The following VPS51 variants were observed in gnomAD, a reference collection of about 807,000 sequenced individuals.
VPS51 encodes the protein vacuolar protein sorting-associated protein 51 homolog.
A neutral mutation model predicts 65.1 loss-of-function variants in VPS51; 55 were observed. That is an observed-to-expected ratio of 0.84 (90% CI 0.68 to 1.06). The LOEUF is 1.06. Ranked by LOEUF, VPS51 falls within the 50% of genes least tolerant of loss-of-function variation. The pLI is 0.00. For synonymous variants in VPS51, 473 were observed against 489.5 expected (o/e 0.97, Z 0.44); for missense variants, 943 against 1,101.6 (o/e 0.86, Z 2.04).
rs760788710 is a variant in VPS51 at position 65,097,119 on chromosome 11, C to G, written c.350C>G (p.Ser117Ter). Residue 117 changes from serine to a stop codon, truncating the protein, a stop_gained, in exon 2 of 10, where the codon TCA (serine) becomes TGA (stop). Transcript: ENST00000279281. LOFTEE classifies it high-confidence loss of function. ...LVYENYNKFI[S>*]ATDTIRKMKN... ...TATGAGAACTACAACAAGTTCATCT[C>G]AGCCACAGGTGATCCCCACGGGGAC... is the stretch of plus-strand genomic sequence containing the variant. 6.2e-7 allele frequency: 1 copy of G among 1,613,922 alleles called. No homozygotes were observed.
chr11:65,100,070 T>A (rs913249353), intron 2 of VPS51, among the ~76,000 whole-genome samples: 1 of 152,080 alleles, frequency 6.6e-6, no homozygotes, highest in Admixed American at 6.6e-5. Context: ...GCCACTGCAC[T>A]CCAGCCTGGG....
intron 9 of VPS51, 148 bp downstream of exon 9, chr11:65,110,929 G>A (rs1044438252): frequency 4.3e-6 from 4 of 939,704 alleles, no homozygotes; most frequent in Non-Finnish European, 4.9e-6. Flanking sequence ...GCTGTTTTTA[G>A]GTAGTACAGA....
intron 2 of VPS51, among the ~76,000 whole-genome samples, chr11:65,100,545 T>TA (rs1332745807): frequency 2.7e-5 from 4 of 146,364 alleles, no homozygotes; most frequent in Non-Finnish European, 6.0e-5. Context: ...TTTTTTTTTT[T>TA]TTTGAGATGG....
rs747099329 is a variant in VPS51 at position 65,110,715 on chromosome 11, C to T, written c.2022C>T (p.Leu674=). 70 of 1,614,074 alleles carry T rather than the reference C, an allele frequency of 4.3e-5. No homozygotes were observed. In the Admixed American group the frequency reaches 1.2e-3, roughly 27 times the overall value. Residue 674 remains leucine (L), a synonymous_variant, in exon 9 of 10, where the codon CTC becomes CTT. Coordinates refer to ENST00000279281, the MANE Select transcript of VPS51 (RefSeq NM_013265.4). The stretch of plus-strand genomic sequence containing the variant: ...CCAGTGCCCCGATGGACACCAACCT[C>T]TTGAGCAATATCCAGAAGCTATTCT... ...YTPSAPMDTN[L]LSNIQKLFSE...
rs1947847215 is a variant in VPS51, at chr11:65,107,100, A to G, written c.359-481A>G. The G allele has an allele frequency of 4.4e-6, 2 of 454,546 alleles. No homozygotes were observed. The highest frequency in any genetic ancestry group is 1.6e-5 in the South Asian group (1 of 64,294). 28.2% of individuals were successfully genotyped at this position (454,546 alleles called of 1,614,324 possible). On this transcript the variant is annotated intron_variant, in intron 2 of 9. Transcript: ENST00000279281. This position sits in a 1 kb window ranked among gnomAD's most constrained non-coding sequence, Gnocchi z 4.0. ...AAAGGGAAAGGGCCCTTCAGAGAAG[A>G]CAGCCCATGTTCCGGAAAGCATGTG...
intron 4 of VPS51, 58 bp from the exon 5 acceptor site, chr11:65,108,139 T>C: frequency 1.3e-6 from 2 of 1,572,546 alleles, no homozygotes; most frequent in Non-Finnish European, 1.7e-6. Context: ...GCTTTCCTGC[T>C]CCTGCCCCAT....
chr11:65,111,076 T>C (rs1947894487), intron 9 of VPS51: 2 of 720,658 alleles, frequency 2.8e-6, no homozygotes, highest in Non-Finnish European at 4.9e-6. Context: ...CAGGGTTTTC[T>C]GTTCACCCAT....
Position 65,108,899 on chromosome 11 carries a change from C to G in VPS51, c.1428C>G (p.Asn476Lys). 7 of 1,613,034 alleles carry G rather than the reference C, an allele frequency of 4.3e-6. No homozygotes were observed. Among genetic ancestry groups the G allele is most frequent in the Non-Finnish European group, 5.9e-6 (7 of 1,180,002 alleles). ...LFTAKEVSFS[N>K]KPYFRGEFCS... ...CCGCCAAAGAGGTGTCCTTCTCCAA[C>G]AAGCCCTACTTCCGGGTACGCCTCC... Residue 476 changes from asparagine to lysine, a missense_variant, in exon 5 of 10, where the codon AAC becomes AAG. Around this residue, in one of 2 missense-constraint regions of VPS51, gnomAD observed 855 missense variants for 953.7 expected, o/e 0.90. Coordinates refer to ENST00000279281, the MANE Select transcript of VPS51 (RefSeq NM_013265.4).
chr11:65,107,733 C>A lies in VPS51; in HGVS notation c.505+6C>A, dbSNP rs368503068. On this transcript the variant is annotated splice_donor_region_variant and intron_variant, in intron 3 of 9. Coordinates refer to ENST00000279281, the MANE Select transcript of VPS51 (RefSeq NM_013265.4). The surrounding 1 kb of genome is among the most constrained non-coding windows in gnomAD (Gnocchi z 4.0). ...GCGCATCACCAAGCTGGCAGGTGGGCGCTGCCGGGCAGGGCCTGCAGTGGG... is the reference window on the plus strand; with the variant it reads ...GCGCATCACCAAGCTGGCAGGTGGGAGCTGCCGGGCAGGGCCTGCAGTGGG... 1 of 1,606,430 alleles carries A rather than the reference C, an allele frequency of 6.2e-7. No homozygotes were observed. The highest frequency in any genetic ancestry group is 1.1e-5 in the South Asian group (1 of 90,948).
intron 1 of VPS51, 27 bp downstream of exon 1, chr11:65,096,505 T>TGGGGGTTGGGGGGGGGG: frequency 2.7e-6 from 1 of 371,832 alleles, no homozygotes; most frequent in Non-Finnish European, 4.6e-6. Flanking sequence ...AGTGGGGGGG[T>TGGGGGTTGGGGGGGGGG]GCGGGGAGGG....
chr11:65,096,261 C>T lies in VPS51; in HGVS notation c.11C>T (p.Ala4Val), dbSNP rs766610118. Residue 4 changes from alanine (A) to valine (V), a missense_variant, in exon 1 of 10, where the codon GCA (alanine) becomes GTA (valine). Around this residue, in one of 2 missense-constraint regions of VPS51, gnomAD observed 855 missense variants for 953.7 expected, o/e 0.90. Coordinates refer to ENST00000279281, the MANE Select transcript of VPS51 (RefSeq NM_013265.4). ...GCTGCAGTTGGAACGATGGCGGCGGCAGCTGCCGCCGGGCCTAGCCCGGGG... is the reference window on the plus strand; with the variant it reads ...GCTGCAGTTGGAACGATGGCGGCGGTAGCTGCCGCCGGGCCTAGCCCGGGG... The part of the protein sequence containing the change: MAA[A>V]AAAGPSPGSG... 8.6e-6 allele frequency: 13 copies of T among 1,519,574 alleles called. No homozygotes were observed. Among genetic ancestry groups the T allele is most frequent in the Admixed American group, 6.7e-5 (3 of 44,450 alleles). The allele number at this position is 1,519,574 out of a possible 1,614,324, so 94.1% of individuals were successfully genotyped here. A position where few individuals can be genotyped will look rare whatever the true frequency, so the allele number is the denominator to read the frequency against.
Position 65,107,946 on chromosome 11 carries a change from C to T in VPS51, c.649C>T (p.Pro217Ser), listed in dbSNP as rs1429259734. The change falls in exon 4 of 10, where the codon CCC (proline) becomes TCC (serine). Residue 217 changes from proline (P) to serine (S), a missense_variant. Physicochemically the swap from Pro to Ser is moderately conservative, Grantham distance 74 (BLOSUM62 -1). This residue lies in a region of VPS51 where 855 missense variants were observed against 953.7 expected (regional missense o/e 0.90). Coordinates refer to ENST00000279281, the MANE Select transcript of VPS51 (RefSeq NM_013265.4). This position sits in a 1 kb window ranked among gnomAD's most constrained non-coding sequence, Gnocchi z 4.0. ...QAVLQQYQHL[P>S]SFRAIQDDCQ... ...CGTGCTGCAGCAGTACCAACACCTG[C>T]CCTCGTTCCGCGCCATCCAGGACGA... 7 of 1,566,860 alleles carry T rather than the reference C, an allele frequency of 4.5e-6. No individual in the cohort carries two copies. Among genetic ancestry groups the T allele is most frequent in the African/African-American group, 2.7e-5 (2 of 73,624 alleles).
At chr11:65,109,561 C>G in intron 6 of VPS51, 66 bp downstream of exon 6, 1 of 1,572,050 alleles carries the variant, frequency 6.4e-7, no homozygotes, top group Non-Finnish European at 8.6e-7. Context: ...CTGGACAGTG[C>G]CCTCATGGCC....
chr11:65,105,325 G>T (rs1565312357), intron 2 of VPS51: 1 of 151,906 alleles, frequency 6.6e-6, no homozygotes, highest in Non-Finnish European at 1.5e-5. Context: ...GGAGGTGGAG[G>T]TTGCAGTGAG....
intron 2 of VPS51, among the ~76,000 whole-genome samples, chr11:65,101,593 C>T (rs1225162547): frequency 5.9e-5 from 9 of 151,412 alleles, no homozygotes; most frequent in African/African-American, 2.2e-4. Flanking sequence ...ACAGGTTATA[C>T]CTGTCTCTAC....
Position 65,111,682 on chromosome 11 carries a change from G to C in VPS51, c.*95G>C, listed in dbSNP as rs1947904721. ...TTCCCCGCAGGCAGGTGTCAGGACC[G>C]GCCTAATAAACATGTGTGGCCTCCT... On this transcript the variant is annotated 3_prime_UTR_variant, in exon 10 of 10. Coordinates refer to ENST00000279281, the MANE Select transcript of VPS51 (RefSeq NM_013265.4). The C allele has an allele frequency of 6.9e-7, 1 of 1,453,344 alleles. No homozygotes were observed. The highest frequency in any genetic ancestry group is 9.1e-7 in the Non-Finnish European group (1 of 1,101,632). 90.0% of individuals were successfully genotyped at this position (1,453,344 alleles called of 1,614,324 possible).
Position 65,109,566 on chromosome 11 carries a change from A to G in VPS51, c.1659+71A>G, listed in dbSNP as rs1947874209. 5 of 1,569,726 alleles carry G rather than the reference A, an allele frequency of 3.2e-6. No homozygotes were observed. In the Admixed American group the frequency reaches 5.3e-5, roughly 16 times the overall value. On this transcript the variant is annotated intron_variant, in intron 6 of 9. Coordinates refer to ENST00000279281, the MANE Select transcript of VPS51 (RefSeq NM_013265.4). Reference sequence around the variant, plus strand: ...ATGCAGATGGCTGGACAGTGCCCTCATGGCCAGACCCCAGACCAGCTGCCT... The same window carrying G: ...ATGCAGATGGCTGGACAGTGCCCTCGTGGCCAGACCCCAGACCAGCTGCCT...
At chr11:65,096,509 G>T in intron 1 of VPS51, 31 bp downstream of exon 1, 1 of 1,124,904 alleles carries the variant, frequency 8.9e-7, no homozygotes. Flanking sequence ...GGGGGGTGCG[G>T]GGAGGGGGGA....
In VPS51 at chr11:65,111,380, T is replaced by A; in HGVS notation, c.2142T>A (p.Cys714Ter). The change falls in exon 10 of 10, where the codon TGT (cysteine) becomes TGA (stop). Residue 714 changes from cysteine to a stop codon, truncating the protein, a stop_gained. Transcript: ENST00000279281. LOFTEE classifies it high-confidence loss of function. Reference sequence around the variant, plus strand: ...TCAGCCTGAAGACGCTGCTGGAGTGTGTGCGGCTGCGCACCTTTGGGCGCT... The same window carrying A: ...TCAGCCTGAAGACGCTGCTGGAGTGAGTGCGGCTGCGCACCTTTGGGCGCT... ...IKISLKTLLE[C>*]VRLRTFGRFG... 1 of 1,611,888 alleles carries A rather than the reference T, an allele frequency of 6.2e-7. No individual in the cohort carries two copies.
Sources: allele counts gnomAD v4.1 joint callset (sites outside exome capture counted in the v4.1 genomes callset), GRCh38; gene constraint gnomAD v4.1.1; regional missense constraint gnomAD v4.1.1; non-coding constraint Gnocchi (gnomAD v3.1); transcripts MANE v1.5; gene names NCBI Gene and HGNC (gene_info 2026-07-23, HGNC 2026-07-21).